The following PAX9 variants were observed in gnomAD, a reference collection of about 807,000 sequenced individuals.
The protein encoded by PAX9 is paired box 9, also known as paired box protein Pax-9.
PAX9 carries 6 observed loss-of-function variants against 29.1 expected under a neutral mutation model. The observed-to-expected ratio is 0.21, with a 90% CI of 0.11 to 0.41. PAX9 has a LOEUF of 0.41. Among genes scored for constraint, PAX9 ranks in the 10% least tolerant of loss-of-function variants. The pLI is 1.00. For synonymous variants in PAX9, 217 were observed against 211.7 expected, an observed-to-expected ratio of 1.03 and a Z score of -0.22; for missense variants, 443 against 479.1, an observed-to-expected ratio of 0.92 and a Z score of 0.70.
intron 2 of PAX9, among the ~76,000 whole-genome samples, chr14:36,664,568 G>GGTTT (rs1161471989): frequency 1.4e-5 from 2 of 141,990 alleles, no homozygotes. Flanking sequence ...CTTTTACTGA[G>GGTTT]TTTTTTTTTT....
In PAX9 at chr14:36,666,449, T is replaced by G. The variant is rs1566471361; in HGVS notation, c.632-13T>G. On this transcript the variant is annotated splice_polypyrimidine_tract_variant and intron_variant, in intron 2 of 3. Transcript: ENST00000361487. ...TGGGCCTCCGGCCTGACACCCTCTC[T>G]TCTCTCCATCAGTGAGCGACAGCTC... 1 of 1,609,776 alleles carries G rather than the reference T, an allele frequency of 6.2e-7. No homozygotes were observed. Among genetic ancestry groups the G allele is most frequent in the South Asian group, 1.1e-5 (1 of 90,160 alleles).
chr14:36,678,599 T>C lies in PAX9; in HGVS notation c.*2147T>C. The stretch of plus-strand genomic sequence containing the variant: ...ACTCTCCTGTCATCTGAAAAACTGA[T>C]GTAAGGTACAGAACTATTCTTTATC... On this transcript the variant is annotated 3_prime_UTR_variant, in exon 4 of 4. Transcript: ENST00000361487. 1.3e-6 allele frequency: 2 copies of C among 1,505,992 alleles called. No homozygotes were observed. The highest frequency in any genetic ancestry group is 2.5e-5 in the East Asian group (1 of 40,686). The allele number at this position is 1,505,992 out of a possible 1,614,324, so 93.3% of individuals were successfully genotyped here. A position where few individuals can be genotyped will look rare whatever the true frequency, so the allele number is the denominator to read the frequency against.
In PAX9 at chr14:36,661,993, C is replaced by T; in HGVS notation, c.-97C>T. The T allele has an allele frequency of 1.3e-6, 2 of 1,497,230 alleles. No homozygotes were observed. The highest frequency in any genetic ancestry group is 1.8e-6 in the Non-Finnish European group (2 of 1,098,994). The allele number at this position is 1,497,230 out of a possible 1,614,324, so 92.7% of individuals were successfully genotyped here. A position where few individuals can be genotyped will look rare whatever the true frequency, so the allele number is the denominator to read the frequency against. On this transcript the variant is annotated 5_prime_UTR_variant, in exon 1 of 4. Coordinates refer to ENST00000361487, the MANE Select transcript of PAX9 (RefSeq NM_001372076.1). ...GGGAAGAAGCGGAGGCGCCGGCGGT[C>T]GGCCGGGATAGCAACAGGCCGGGCC...
upstream of PAX9, chr14:36,661,677 C>T (rs1395697509): frequency 1.1e-5 from 3 of 277,484 alleles, no homozygotes; most frequent in South Asian, 1.5e-4. Context: ...ATGTCAAACA[C>T]CCATTTTCAT....
intron 3 of PAX9, among the ~76,000 whole-genome samples, chr14:36,674,467 A>T (rs1239206504): frequency 6.6e-6 from 1 of 152,200 alleles, no homozygotes; most frequent in African/African-American, 2.4e-5. Flanking sequence ...TCCTTGTATA[A>T]AAAGAGGATA....
At chr14:36,671,778 T>C (rs1349057575) in intron 3 of PAX9, among the ~76,000 whole-genome samples, 1 of 152,194 alleles carries the variant, frequency 6.6e-6, no homozygotes, top group Non-Finnish European at 1.5e-5. Context: ...AAACTTGTAC[T>C]TTCATTCTTC....
chr14:36,668,719 A>T (rs530310981), intron 3 of PAX9, among the ~76,000 whole-genome samples: 1 of 152,246 alleles, frequency 6.6e-6, no homozygotes, highest in East Asian at 1.9e-4. Context: ...TGAATTATAG[A>T]TCTAACATTG....
intron 1 of PAX9, 48 bp downstream of exon 1, chr14:36,662,141 A>G: frequency 5.3e-6 from 2 of 375,950 alleles, no homozygotes; most frequent in South Asian, 7.6e-5. Flanking sequence ...GGAGGGAGGG[A>G]GCGAGCGGGC....
At chr14:36,660,454 A>G (rs1024191112), upstream of PAX9, among the ~76,000 whole-genome samples, 1 of 152,222 alleles carries the variant, frequency 6.6e-6, no homozygotes, top group African/African-American at 2.4e-5. Flanking sequence ...CCATTCTGTT[A>G]GGTAATTTTG....
intron 3 of PAX9, among the ~76,000 whole-genome samples, chr14:36,673,535 G>A (rs889403530): frequency 6.6e-6 from 1 of 152,212 alleles, no homozygotes; most frequent in Admixed American, 6.5e-5. Context: ...TCTTCCAAGT[G>A]GGTCCATGTA....
At chr14:36,662,355 C>T (rs1293527705) in intron 1 of PAX9, among the ~76,000 whole-genome samples, 1 of 152,170 alleles carries the variant, frequency 6.6e-6, no homozygotes, top group Non-Finnish European at 1.5e-5. Context: ...ATCAGCGAGC[C>T]CCTCAGCCCG....
chr14:36,679,276 C>T lies in PAX9; in HGVS notation c.*2824C>T, dbSNP rs1882071887. 1 of 982,064 alleles carries T rather than the reference C, an allele frequency of 1.0e-6. No homozygotes were observed. Among genetic ancestry groups the T allele is most frequent in the Admixed American group, 6.2e-5 (1 of 16,250 alleles). 60.8% of individuals were successfully genotyped at this position (982,064 alleles called of 1,614,324 possible). A position where few individuals can be genotyped will look rare whatever the true frequency, so the allele number is the denominator to read the frequency against. Reference sequence around the variant, plus strand: ...AAAACACGTTGGAAAGGATGTACAACAGAAGGCTATGTATGTATATACAGT... The same window carrying T: ...AAAACACGTTGGAAAGGATGTACAATAGAAGGCTATGTATGTATATACAGT... On this transcript the variant is annotated 3_prime_UTR_variant, in exon 4 of 4. Coordinates refer to ENST00000361487, the MANE Select transcript of PAX9 (RefSeq NM_001372076.1).
chr14:36,660,288 C>G (rs2073243), upstream of PAX9, among the ~76,000 whole-genome samples: 59,717 of 152,032 alleles, frequency 0.39, 12,012 homozygotes, highest in African/African-American at 0.47. Context: ...TCAGACCAGG[C>G]TGAAATTGCT....
chr14:36,678,472 T>G lies in PAX9; in HGVS notation c.*2020T>G. 6.5e-7 allele frequency: 1 copy of G among 1,535,270 alleles called. No individual in the cohort carries two copies. The highest frequency in any genetic ancestry group is 8.7e-7 in the Non-Finnish European group (1 of 1,145,138). On this transcript the variant is annotated 3_prime_UTR_variant, in exon 4 of 4. Coordinates refer to ENST00000361487, the MANE Select transcript of PAX9 (RefSeq NM_001372076.1). Reference sequence around the variant, plus strand: ...ATCTTGTAAAACTTCCATTGACATCTGGAGTTCCCAGTCTGGTGAGAAAAT... The same window carrying G: ...ATCTTGTAAAACTTCCATTGACATCGGGAGTTCCCAGTCTGGTGAGAAAAT...
chr14:36,673,561 T>C (rs1237857961), intron 3 of PAX9, among the ~76,000 whole-genome samples: 1 of 36,404 alleles, frequency 2.7e-5, no homozygotes. Flanking sequence ...ACCATAGACA[T>C]TGCAACAAAA....
Position 36,679,177 on chromosome 14 carries a change from TTC to T in PAX9, c.*2727_*2728del. On this transcript the variant is annotated 3_prime_UTR_variant, in exon 4 of 4. Transcript: ENST00000361487. ...TTGTGCAACAGAGACACATTCTTATTTCTTTTTTTTCACAATTTTGTTTTGTT... is the reference window on the plus strand; with the variant it reads ...TTGTGCAACAGAGACACATTCTTATTTTTTTTTTCACAATTTTGTTTTGTT... 11 of 985,264 alleles carry T rather than the reference TTC, an allele frequency of 1.1e-5. No individual in the cohort carries two copies. Among genetic ancestry groups the T allele is most frequent in the South Asian group, 4.7e-5 (1 of 21,284 alleles). 61.0% of individuals were successfully genotyped at this position (985,264 alleles called of 1,614,324 possible). A position where few individuals can be genotyped will look rare whatever the true frequency, so the allele number is the denominator to read the frequency against.
intron 2 of PAX9, 104 bp from the exon 3 acceptor site, chr14:36,666,358 A>C: frequency 6.9e-7 from 1 of 1,459,776 alleles, no homozygotes; most frequent in Non-Finnish European, 9.2e-7. Context: ...GAGCCGACCC[A>C]AGGTCTAAGC....
At chr14:36,659,734 G>A (rs1881185632), upstream of PAX9, among the ~76,000 whole-genome samples, 1 of 152,178 alleles carries the variant, frequency 6.6e-6, no homozygotes, top group South Asian at 2.1e-4. Context: ...AGGGAGAGAT[G>A]GCATTGAACC....
At chr14:36,666,286 C>G (rs539532296) in intron 2 of PAX9, 176 bp from the exon 3 acceptor site, 1 of 713,210 alleles carries the variant, frequency 1.4e-6, no homozygotes, top group African/African-American at 1.8e-5. Context: ...TTCACCAGGC[C>G]CTGGGCTGGA....
Sources: allele counts gnomAD v4.1 joint callset (sites outside exome capture counted in the v4.1 genomes callset), GRCh38; gene constraint gnomAD v4.1.1; transcripts MANE v1.5; gene names NCBI Gene and HGNC (gene_info 2026-07-23, HGNC 2026-07-21).